Variants in PTPRE observed in about 807,000 individuals in gnomAD.
PTPRE encodes the protein receptor-type tyrosine-protein phosphatase epsilon.
PTPRE carries 51 observed loss-of-function variants against 102.0 expected under a neutral mutation model. The observed-to-expected ratio is 0.50, with a 90% CI of 0.40 to 0.63. The LOEUF is 0.63. PTPRE is among the 30% of genes least tolerant of loss of function. The pLI, the probability that PTPRE is intolerant of heterozygous loss-of-function variation, is 0.00. For missense variants in PTPRE, 752 were observed against 915.1 expected, an observed-to-expected ratio of 0.82 and a Z score of 2.30; for synonymous variants, 345 against 348.2, an observed-to-expected ratio of 0.99 and a Z score of 0.10.
chr10:127,955,126 C>T (rs1849302925), intron 1 of PTPRE, among the ~76,000 whole-genome samples: 1 of 152,042 alleles, frequency 6.6e-6, no homozygotes, highest in Non-Finnish European at 1.5e-5. Flanking sequence ...CCTAGGGTGC[C>T]TCTTAGTACT....
intron 1 of PTPRE, among the ~76,000 whole-genome samples, chr10:127,939,370 A>G (rs557502081): frequency 6.6e-6 from 1 of 152,310 alleles, no homozygotes; most frequent in East Asian, 1.9e-4. Flanking sequence ...ACGAGTGCAT[A>G]TTAGTTTTCA....
At chr10:127,951,883 A>T (rs183934491) in intron 1 of PTPRE, among the ~76,000 whole-genome samples, 6 of 152,350 alleles carry the variant, frequency 3.9e-5, no homozygotes, top group Admixed American at 2.0e-4. Context: ...ATGACAGTGA[A>T]TTATGATAAG....
Position 128,068,211 on chromosome 10 carries a change from T to C in PTPRE, c.932T>C (p.Ile311Thr), listed in dbSNP as rs1272790038. ...WPDFGVPFTP[I>T]GMLKFLKKVK... is the part of the protein sequence containing the mutation. ...GACTTCGGAGTGCCTTTTACCCCCA[T>C]TGGGATGCTGAAGTTCCTCAAGAAA... Residue 311 changes from isoleucine to threonine, a missense_variant, in exon 12 of 21, where the codon ATT (isoleucine) becomes ACT (threonine). Physicochemically the swap from Ile to Thr is moderately conservative, Grantham distance 89 (BLOSUM62 -1). Transcript: ENST00000254667. 7 of 1,613,998 alleles carry C rather than the reference T, an allele frequency of 4.3e-6. No individual in the cohort carries two copies. Among genetic ancestry groups the C allele is most frequent in the South Asian group, 1.1e-5 (1 of 91,092 alleles).
rs573137132 is a variant in PTPRE, at chr10:128,051,137, C to T, written c.420+1471C>T. On this transcript the variant is annotated intron_variant, in intron 6 of 20. Coordinates refer to ENST00000254667, the MANE Select transcript of PTPRE (RefSeq NM_006504.6). ...GTTTTCAGCTAGCAGATCCCCTCCC[C>T]CACCCTTCTCATCCCATTTCCCCTT... Among the ~76,000 whole-genome samples, 4 of 152,324 alleles carry T rather than the reference C, an allele frequency of 2.6e-5. No individual in the cohort carries two copies. In the South Asian group the frequency reaches 6.2e-4, roughly 24 times the overall value.
At chr10:128,067,338 C>T (rs1850309140) in intron 11 of PTPRE, among the ~76,000 whole-genome samples, 2 of 134,228 alleles carry the variant, frequency 1.5e-5, no homozygotes, top group African/African-American at 5.6e-5. Flanking sequence ...ACACATACAT[C>T]CACACACATT....
intron 1 of PTPRE, among the ~76,000 whole-genome samples, chr10:127,942,404 A>G (rs12769331): frequency 0.15 from 22,852 of 152,240 alleles, 1,872 homozygotes; most frequent in East Asian, 0.27. Context: ...CAAATCAACT[A>G]ACAAAGCTAT....
chr10:127,911,879 A>ATT (rs34136371), intron 1 of PTPRE, among the ~76,000 whole-genome samples: 2 of 148,904 alleles, frequency 1.3e-5, no homozygotes, highest in African/African-American at 2.5e-5. Context: ...TGTCACTAGG[A>ATT]TTTTTTTTTT....
intron 5 of PTPRE, 132 bp downstream of exon 5, chr10:128,047,969 C>A: frequency 1.2e-6 from 1 of 849,770 alleles, no homozygotes; most frequent in Non-Finnish European, 1.8e-6. Context: ...CTCACTCTAC[C>A]TGGTATGATG....
intron 2 of PTPRE, among the ~76,000 whole-genome samples, chr10:127,995,823 GCACACA>G (rs143328396): frequency 0.025 from 3,640 of 148,264 alleles, 62 homozygotes; most frequent in African/African-American, 0.05. Context: ...CTCTACACGA[GCACACA>G]CACACACACA....
chr10:128,002,959 G>C (rs1390344158), intron 2 of PTPRE, among the ~76,000 whole-genome samples: 1 of 152,136 alleles, frequency 6.6e-6, no homozygotes, highest in East Asian at 1.9e-4. Flanking sequence ...TTCCCAAGAT[G>C]CTGGGATTAC....
intron 1 of PTPRE, among the ~76,000 whole-genome samples, chr10:127,910,211 C>T (rs10830194): frequency 0.32 from 49,208 of 152,028 alleles, 8,823 homozygotes; most frequent in African/African-American, 0.48. Flanking sequence ...TTTTGGCTTT[C>T]TTCCTACTGA....
intron 2 of PTPRE, among the ~76,000 whole-genome samples, chr10:128,036,970 C>A (rs1428561984): frequency 5.3e-5 from 8 of 152,176 alleles, no homozygotes; most frequent in Non-Finnish European, 1.2e-4. Flanking sequence ...ATCCAGGGCT[C>A]CCTTTGGAAA....
At chr10:128,072,683 A>T (rs926268181) in intron 16 of PTPRE, 2 of 126,480 alleles carry the variant, frequency 1.6e-5, no homozygotes, top group African/African-American at 5.6e-5. Flanking sequence ...AAAAAAAAAA[A>T]GTGGACTTTG....
intron 2 of PTPRE, among the ~76,000 whole-genome samples, chr10:127,987,004 A>T (rs965240797): frequency 3.9e-5 from 6 of 152,218 alleles, no homozygotes; most frequent in Admixed American, 6.5e-5. Flanking sequence ...GCGACAAATT[A>T]TTCTCCTGGT....
At chr10:128,080,584 A>G (rs1302404433) in intron 20 of PTPRE, among the ~76,000 whole-genome samples, 1 of 152,222 alleles carries the variant, frequency 6.6e-6, no homozygotes, top group Non-Finnish European at 1.5e-5. Flanking sequence ...CACAGCTCTC[A>G]TTAATCTGCC....
intron 2 of PTPRE, among the ~76,000 whole-genome samples, chr10:128,013,791 C>A (rs1357955658): frequency 6.6e-6 from 1 of 152,180 alleles, no homozygotes; most frequent in African/African-American, 2.4e-5. Context: ...TCTCAGCTTT[C>A]AGAACTGTGA....
At position 128,070,434 on chromosome 10, in the gene PTPRE, TGGA is replaced by T. The variant is rs768171561; in HGVS notation, c.1285_1287del (p.Glu429del). The T allele has an allele frequency of 3.7e-6, 6 of 1,613,910 alleles. No homozygotes were observed. The highest frequency in any genetic ancestry group is 2.2e-5 in the South Asian group (2 of 91,006). On this transcript the variant is annotated inframe_deletion, in exon 14 of 21. Transcript: ENST00000254667. This position sits in a 1 kb window ranked among gnomAD's most constrained non-coding sequence, Gnocchi z 4.8. ...ACCACCCACTTCGACAAGATCGGGC[TGGA>T]GGAGGAGTTCAGGGTGAGTACAGCT...
In PTPRE at chr10:128,040,988, C is replaced by T. The variant is rs1847643393; in HGVS notation, c.107C>T (p.Ser36Leu). The T allele has an allele frequency of 6.2e-7, 1 of 1,613,954 alleles. No individual in the cohort carries two copies. Among genetic ancestry groups the T allele is most frequent in the Admixed American group, 1.7e-5 (1 of 60,006 alleles). Reference sequence around the variant, plus strand: ...GACAGCAACGAGACAACCACGACCTCAGGTAAGGACCCCTTTCCCTGGCTG... The same window carrying T: ...GACAGCAACGAGACAACCACGACCTTAGGTAAGGACCCCTTTCCCTGGCTG... ...TADSNETTTT[S>L]GPPDPGASQP... Residue 36 changes from serine (S) to leucine (L), a missense_variant and splice_region_variant, in exon 3 of 21, where the codon TCA (serine) becomes TTA (leucine). Ser to Leu is a moderately radical substitution (Grantham distance 145). Transcript: ENST00000254667.
chr10:127,907,443 C>G lies in PTPRE; in HGVS notation c.-31+134C>G. On this transcript the variant is annotated intron_variant, in intron 1 of 20. Transcript: ENST00000254667. This position sits in a 1 kb window ranked among gnomAD's most constrained non-coding sequence, Gnocchi z 4.8. ...GCCGCTCCGGGGCTCAGAGTCCGGA[C>G]CCCGGCCCCGCCGCCCCCGCGGCGC... The G allele has an allele frequency of 1.6e-6, 1 of 639,254 alleles. No individual in the cohort carries two copies. The highest frequency in any genetic ancestry group is 1.9e-6 in the Non-Finnish European group (1 of 514,570). The allele number at this position is 639,254 out of a possible 1,614,324, so 39.6% of individuals were successfully genotyped here. A position where few individuals can be genotyped will look rare whatever the true frequency, so the allele number is the denominator to read the frequency against.
Sources: allele counts gnomAD v4.1 joint callset (sites outside exome capture counted in the v4.1 genomes callset), GRCh38; gene constraint gnomAD v4.1.1; non-coding constraint Gnocchi (gnomAD v3.1); transcripts MANE v1.5; gene names NCBI Gene and HGNC (gene_info 2026-07-23, HGNC 2026-07-21).